Variants in SNX22 observed in about 807,000 individuals in gnomAD.
The protein encoded by SNX22 is sorting nexin-22.
Under a neutral mutation model 24.7 loss-of-function variants are expected in SNX22, and 23 were observed. That is an observed-to-expected ratio of 0.93 (90% CI 0.67 to 1.32). SNX22 has a LOEUF of 1.32. Ranked by LOEUF, SNX22 falls within the 40% of genes most tolerant of loss-of-function variation. The pLI, the probability that SNX22 is intolerant of heterozygous loss-of-function variation, is 0.00. For synonymous variants in SNX22, 99 were observed against 104.0 expected (o/e 0.95, Z 0.29); for missense variants, 261 against 249.9 (o/e 1.04, Z -0.30).
chr15:64,153,371 T>G, intron 4 of SNX22, 32 bp downstream of exon 4: 1 of 1,612,810 alleles, frequency 6.2e-7, no homozygotes, highest in Non-Finnish European at 8.5e-7. Context: ...GGCCAGGGGC[T>G]GTCAGCAGTG....
chr15:64,153,534 G>A, intron 4 of SNX22, 118 bp from the exon 5 acceptor site: 1 of 1,523,408 alleles, frequency 6.6e-7, no homozygotes, highest in Non-Finnish European at 9.1e-7. Flanking sequence ...ACTGGGGCTT[G>A]TTACAAATAG....
In SNX22 at chr15:64,157,098, G is replaced by C; in HGVS notation, c.*2590G>C. ...GCCAAGCCATGCTGACTGAGGCCAA[G>C]TGGGGCATCAGGCCAGGCTGATGTG... On this transcript the variant is annotated 3_prime_UTR_variant, in exon 7 of 7. Coordinates refer to ENST00000325881, the MANE Select transcript of SNX22 (RefSeq NM_024798.3). The surrounding 1 kb of genome is among the most constrained non-coding windows in gnomAD (Gnocchi z 4.2). 1 of 626,182 alleles carries C rather than the reference G, an allele frequency of 1.6e-6. No individual in the cohort carries two copies. Among genetic ancestry groups the C allele is most frequent in the South Asian group, 2.0e-5 (1 of 50,850 alleles). 38.8% of individuals were successfully genotyped at this position (626,182 alleles called of 1,614,324 possible).
Position 64,156,349 on chromosome 15 carries a change from C to T in SNX22, c.*1841C>T. ...ACGAGGGGGTACAGGAATTTTGTTC[C>T]TTTGAAGTAAGACCCAGGTTGGGCC... On this transcript the variant is annotated 3_prime_UTR_variant, in exon 7 of 7. Coordinates refer to ENST00000325881, the MANE Select transcript of SNX22 (RefSeq NM_024798.3). This position sits in a 1 kb window ranked among gnomAD's most constrained non-coding sequence, Gnocchi z 6.4. The T allele has an allele frequency of 1.3e-6, 1 of 747,352 alleles. No homozygotes were observed. Among genetic ancestry groups the T allele is most frequent in the Non-Finnish European group, 2.2e-6 (1 of 447,172 alleles). The allele number at this position is 747,352 out of a possible 1,614,324, so 46.3% of individuals were successfully genotyped here. A position where few individuals can be genotyped will look rare whatever the true frequency, so the allele number is the denominator to read the frequency against.
rs1202140531 is a variant in SNX22 at position 64,156,062 on chromosome 15, C to T, written c.*1554C>T. The T allele has an allele frequency of 6.2e-7, 1 of 1,614,232 alleles. No individual in the cohort carries two copies. The highest frequency in any genetic ancestry group is 8.5e-7 in the Non-Finnish European group (1 of 1,180,042). ...TGGCAAAGGGCTTCTCCACCTCGATCTTGCCGCAGTCTGCGATGATCACAT... is the reference window on the plus strand; with the variant it reads ...TGGCAAAGGGCTTCTCCACCTCGATTTTGCCGCAGTCTGCGATGATCACAT... On this transcript the variant is annotated 3_prime_UTR_variant, in exon 7 of 7. Coordinates refer to ENST00000325881, the MANE Select transcript of SNX22 (RefSeq NM_024798.3). This position sits in a 1 kb window ranked among gnomAD's most constrained non-coding sequence, Gnocchi z 6.4.
At chr15:64,152,356 C>T (rs1219649422) in intron 2 of SNX22, 30 bp downstream of exon 2, 6 of 1,493,120 alleles carry the variant, frequency 4.0e-6, no homozygotes, top group Middle Eastern at 2.0e-4. Context: ...CCACCGGCCC[C>T]GGCCCAGCCT....
In SNX22 at chr15:64,152,260, G is replaced by A. The variant is rs1335494410; in HGVS notation, c.93G>A (p.Val31=). The change falls in exon 2 of 7, where the codon GTG becomes GTA. Residue 31 remains valine (V), a synonymous_variant. Transcript: ENST00000325881. The part of the protein sequence containing the change: ...EKSHMVFRVE[V]LCSGRRHTVP... ...GCCGCCAGGTGTTCCGAGTGGAGGT[G>A]CTGTGCAGCGGGCGCAGACACACGG... 3 of 1,458,734 alleles carry A rather than the reference G, an allele frequency of 2.1e-6. No individual in the cohort carries two copies. The highest frequency in any genetic ancestry group is 2.7e-5 in the South Asian group (2 of 73,204). 90.4% of individuals were successfully genotyped at this position (1,458,734 alleles called of 1,614,324 possible). A position where few individuals can be genotyped will look rare whatever the true frequency, so the allele number is the denominator to read the frequency against.
intron 1 of SNX22, 186 bp from the exon 2 acceptor site, chr15:64,152,057 G>T: frequency 1.3e-6 from 1 of 757,482 alleles, no homozygotes; most frequent in Non-Finnish European, 2.0e-6. Context: ...CCAGGGCTCC[G>T]AGGGGCAGGT....
At chr15:64,152,975 C>T (rs1446068007) in intron 3 of SNX22, 1 of 607,358 alleles carries the variant, frequency 1.6e-6, no homozygotes, top group East Asian at 2.8e-5. Context: ...AACCCAGGTC[C>T]TGTCCCCTCC....
intron 6 of SNX22, 103 bp downstream of exon 6, chr15:64,154,105 C>G (rs778315183): frequency 8.8e-5 from 141 of 1,610,786 alleles, no homozygotes; most frequent in Non-Finnish European, 3.7e-5. Context: ...CTGCCCACCT[C>G]TGGAGCCACT....
In SNX22 at chr15:64,152,064, A is replaced by G. The variant is rs1363622558; in HGVS notation, c.76-179A>G. 13 of 754,078 alleles carry G rather than the reference A, an allele frequency of 1.7e-5. No homozygotes were observed. The East Asian group carries it at 3.0e-4, about 17-fold the overall frequency. 46.7% of individuals were successfully genotyped at this position (754,078 alleles called of 1,614,324 possible). A position where few individuals can be genotyped will look rare whatever the true frequency, so the allele number is the denominator to read the frequency against. Reference sequence around the variant, plus strand: ...GAGGGACCCCAGGGCTCCGAGGGGCAGGTCCGCCAGCCGGTTCTCCCAGGT... The same window carrying G: ...GAGGGACCCCAGGGCTCCGAGGGGCGGGTCCGCCAGCCGGTTCTCCCAGGT... On this transcript the variant is annotated intron_variant, in intron 1 of 6. Coordinates refer to ENST00000325881, the MANE Select transcript of SNX22 (RefSeq NM_024798.3).
rs1342369118 is a variant in SNX22 at position 64,154,988 on chromosome 15, A to C, written c.*480A>C. 7.0e-5 allele frequency: 6 copies of C among 85,130 alleles called. No individual in the cohort carries two copies. Among genetic ancestry groups the C allele is most frequent in the Non-Finnish European group, 1.3e-4 (6 of 46,978 alleles). 5.3% of individuals were successfully genotyped at this position (85,130 alleles called of 1,614,324 possible). A position where few individuals can be genotyped will look rare whatever the true frequency, so the allele number is the denominator to read the frequency against. ...TTTTTTTTTTTTTTTTTTGAGACGG[A>C]GTTTCACTCTTGTTGCCCAGGCTGG... On this transcript the variant is annotated 3_prime_UTR_variant, in exon 7 of 7. Coordinates refer to ENST00000325881, the MANE Select transcript of SNX22 (RefSeq NM_024798.3).
At chr15:64,153,072 C>G (rs1440170270) in intron 3 of SNX22, 173 bp from the exon 4 acceptor site, 3 of 751,372 alleles carry the variant, frequency 4.0e-6, no homozygotes, top group African/African-American at 1.8e-5. Context: ...TCATGGGGTA[C>G]AACCTGTGCA....
At position 64,155,833 on chromosome 15, in the gene SNX22, A is replaced by T. The variant is rs113626158; in HGVS notation, c.*1325A>T. 9.3e-5 allele frequency: 74 copies of T among 792,628 alleles called. No individual in the cohort carries two copies. The South Asian group carries it at 1.2e-3, about 13-fold the overall frequency. The allele number at this position is 792,628 out of a possible 1,614,324, so 49.1% of individuals were successfully genotyped here. On this transcript the variant is annotated 3_prime_UTR_variant, in exon 7 of 7. Coordinates refer to ENST00000325881, the MANE Select transcript of SNX22 (RefSeq NM_024798.3). ...CACATTATATATTAAAAAAAAAAAA[A>T]CCCACATTTTTTTTTATTGGTCAGT...
chr15:64,152,077 G>T (rs77627789), intron 1 of SNX22, 166 bp from the exon 2 acceptor site: 3 of 784,446 alleles, frequency 3.8e-6, no homozygotes, highest in East Asian at 3.3e-5. Flanking sequence ...TCCGCCAGCC[G>T]GTTCTCCCAG....
In SNX22 at chr15:64,157,071, G is replaced by T. The variant is rs946166952; in HGVS notation, c.*2563G>T. The T allele has an allele frequency of 3.9e-6, 3 of 768,516 alleles. No individual in the cohort carries two copies. In the African/African-American group the frequency reaches 5.3e-5, roughly 13 times the overall value. 47.6% of individuals were successfully genotyped at this position (768,516 alleles called of 1,614,324 possible). On this transcript the variant is annotated 3_prime_UTR_variant, in exon 7 of 7. Transcript: ENST00000325881. The surrounding 1 kb of genome is among the most constrained non-coding windows in gnomAD (Gnocchi z 4.2). ...GCGTCCTTCCTATCTTCTGGCCTCA[G>T]AGCCAAGCCATGCTGACTGAGGCCA...
chr15:64,156,400 A>AC lies in SNX22; in HGVS notation c.*1894dup. The AC allele has an allele frequency of 1.6e-6, 1 of 631,082 alleles. No homozygotes were observed. The highest frequency in any genetic ancestry group is 2.8e-6 in the Non-Finnish European group (1 of 355,440). 39.1% of individuals were successfully genotyped at this position (631,082 alleles called of 1,614,324 possible). On this transcript the variant is annotated 3_prime_UTR_variant, in exon 7 of 7. Transcript: ENST00000325881. The surrounding 1 kb of genome is among the most constrained non-coding windows in gnomAD (Gnocchi z 6.4). Reference sequence around the variant, plus strand: ...AAGGGTGAGGAGGAGGAAGAGGGTGACCAGGGCATGTGGCTTCTCAGGGAC... The same window carrying AC: ...AAGGGTGAGGAGGAGGAAGAGGGTGACCCAGGGCATGTGGCTTCTCAGGGAC...
At position 64,152,269 on chromosome 15, in the gene SNX22, C is replaced by G. The variant is rs2081491928; in HGVS notation, c.102C>G (p.Ser34Arg). The stretch of plus-strand genomic sequence containing the variant: ...TGTTCCGAGTGGAGGTGCTGTGCAG[C>G]GGGCGCAGACACACGGTGCCAAGGC... ...HMVFRVEVLC[S>R]GRRHTVPRRY... Residue 34 changes from serine to arginine, a missense_variant, in exon 2 of 7, where the codon AGC becomes AGG. Coordinates refer to ENST00000325881, the MANE Select transcript of SNX22 (RefSeq NM_024798.3). The G allele has an allele frequency of 1.4e-6, 2 of 1,474,784 alleles. No homozygotes were observed. Among genetic ancestry groups the G allele is most frequent in the Non-Finnish European group, 8.9e-7 (1 of 1,122,002 alleles). The allele number at this position is 1,474,784 out of a possible 1,614,324, so 91.4% of individuals were successfully genotyped here.
In SNX22 at chr15:64,153,854, G is replaced by A. The variant is rs1567343350; in HGVS notation, c.393-81G>A. The A allele has an allele frequency of 6.9e-6, 11 of 1,592,192 alleles. No homozygotes were observed. In the South Asian group the frequency reaches 1.0e-4, roughly 15 times the overall value. ...ACCTTTTCCTTCATGGGTCCCTGGT[G>A]ATGGCAACCCCGTCTCCACCCCTCT... On this transcript the variant is annotated intron_variant, in intron 5 of 6. Transcript: ENST00000325881.
Position 64,155,866 on chromosome 15 carries a change from G to A in SNX22, c.*1358G>A. The A allele has an allele frequency of 9.2e-7, 1 of 1,088,766 alleles. No homozygotes were observed. Among genetic ancestry groups the A allele is most frequent in the Non-Finnish European group, 1.4e-6 (1 of 724,100 alleles). The allele number at this position is 1,088,766 out of a possible 1,614,324, so 67.4% of individuals were successfully genotyped here. ...TTTTTTTTATTGGTCAGTGTTGGTAGGAGTTTGTTACAAAAGTGAGTCCAT... is the reference window on the plus strand; with the variant it reads ...TTTTTTTTATTGGTCAGTGTTGGTAAGAGTTTGTTACAAAAGTGAGTCCAT... On this transcript the variant is annotated 3_prime_UTR_variant, in exon 7 of 7. Coordinates refer to ENST00000325881, the MANE Select transcript of SNX22 (RefSeq NM_024798.3).
Sources: allele counts gnomAD v4.1 joint callset, GRCh38; gene constraint gnomAD v4.1.1; non-coding constraint Gnocchi (gnomAD v3.1); transcripts MANE v1.5; gene names NCBI Gene and HGNC (gene_info 2026-07-23, HGNC 2026-07-21).